The following GARNL3 variants were observed in gnomAD, a reference collection of about 807,000 sequenced individuals.
GARNL3 encodes the protein GTPase-activating Rap/Ran-GAP domain-like protein 3.
A neutral mutation model predicts 125.0 loss-of-function variants in GARNL3; 63 were observed. The observed-to-expected ratio is 0.50, with a 90% CI of 0.41 to 0.62. The LOEUF is 0.62. GARNL3 is among the 20% of genes least tolerant of loss of function. The probability of loss-of-function intolerance (pLI) is 0.00; values close to 1 mark genes in which losing one functional copy is unlikely to be tolerated. For synonymous variants in GARNL3, 439 were observed against 457.5 expected, an observed-to-expected ratio of 0.96 and a Z score of 0.52; for missense variants, 994 against 1,244.0, an observed-to-expected ratio of 0.80 and a Z score of 3.02.
intron 22 of GARNL3, among the ~76,000 whole-genome samples, chr9:127,372,664 G>A (rs1318673026): frequency 6.6e-6 from 1 of 152,144 alleles, no homozygotes; most frequent in African/African-American, 2.4e-5. Context: ...CAGACTGGTG[G>A]CAACAGCTTT....
At chr9:127,357,179 G>T (rs568928828) in intron 20 of GARNL3, 40 bp from the exon 21 acceptor site, 1 of 1,609,060 alleles carries the variant, frequency 6.2e-7, no homozygotes, top group East Asian at 2.2e-5. Flanking sequence ...TGGCTGCTCT[G>T]TTCTCACCCC....
intron 17 of GARNL3, among the ~76,000 whole-genome samples, chr9:127,350,957 C>A (rs765272807): frequency 6.6e-6 from 1 of 152,090 alleles, no homozygotes; most frequent in Non-Finnish European, 1.5e-5. Flanking sequence ...GTTAGTGGCA[C>A]GTCTGGGACT....
At chr9:127,225,736 C>G (rs2062897288) in intron 1 of GARNL3, among the ~76,000 whole-genome samples, 1 of 151,486 alleles carries the variant, frequency 6.6e-6, no homozygotes, top group Non-Finnish European at 1.5e-5. Flanking sequence ...CTCACCCCTC[C>G]GTCCACTGGA....
chr9:127,365,710 A>G (rs1831251916), intron 22 of GARNL3, among the ~76,000 whole-genome samples: 1 of 152,164 alleles, frequency 6.6e-6, no homozygotes, highest in Non-Finnish European at 1.5e-5. Context: ...TGCCCGCAGC[A>G]GGCTCGGTTA....
intron 6 of GARNL3, among the ~76,000 whole-genome samples, chr9:127,323,987 C>G (rs1429943929): frequency 6.6e-6 from 1 of 152,040 alleles, no homozygotes; most frequent in Admixed American, 6.6e-5. Context: ...TGGTGGCTCA[C>G]GCTTGTAATC....
chr9:127,353,696 T>G lies in GARNL3; in HGVS notation c.1544-150T>G, dbSNP rs1830529290. On this transcript the variant is annotated intron_variant, in intron 17 of 27. Coordinates refer to ENST00000373387, the MANE Select transcript of GARNL3 (RefSeq NM_032293.5). ...CTAGGAGGAGAATAGTGCTTGAATG[T>G]ATTTTGTAGAGCTTATGAAAGCCCT... 1.7e-5 allele frequency: 12 copies of G among 692,278 alleles called. No individual in the cohort carries two copies. In the South Asian group the frequency reaches 1.9e-4, roughly 11 times the overall value. 42.9% of individuals were successfully genotyped at this position (692,278 alleles called of 1,614,324 possible). A position where few individuals can be genotyped will look rare whatever the true frequency, so the allele number is the denominator to read the frequency against.
chr9:127,236,732 AT>A (rs1406072792), intron 1 of GARNL3, among the ~76,000 whole-genome samples: 1 of 152,138 alleles, frequency 6.6e-6, no homozygotes, highest in Non-Finnish European at 1.5e-5. Context: ...CTAGTGTGCT[AT>A]TCTTTTGGTT....
intron 1 of GARNL3, among the ~76,000 whole-genome samples, chr9:127,235,449 T>C (rs2063093352): frequency 6.6e-6 from 1 of 151,998 alleles, no homozygotes; most frequent in Non-Finnish European, 1.5e-5. Context: ...CAGGAGATGT[T>C]AGGAAAGAGA....
intron 22 of GARNL3, among the ~76,000 whole-genome samples, chr9:127,378,858 C>T (rs1832087756): frequency 6.6e-6 from 1 of 152,148 alleles, no homozygotes; most frequent in Admixed American, 6.5e-5. Context: ...TCACTGCAAC[C>T]TCCGCCTCCC....
At chr9:127,315,958 A>T (rs141851366) in intron 4 of GARNL3, among the ~76,000 whole-genome samples, 52 of 152,290 alleles carry the variant, frequency 3.4e-4, no homozygotes, top group African/African-American at 1.2e-3. Flanking sequence ...TGCTGTGCTC[A>T]CTGGGTGTAG....
intron 21 of GARNL3, among the ~76,000 whole-genome samples, chr9:127,361,495 C>T (rs1010239199): frequency 6.6e-6 from 1 of 152,208 alleles, no homozygotes; most frequent in African/African-American, 2.4e-5. Flanking sequence ...TCTCCAGGAG[C>T]AAGAACCCCA....
In GARNL3 at chr9:127,385,419, G is replaced by A. The variant is rs4537391; in HGVS notation, c.2388+274G>A. Among the ~76,000 whole-genome samples, 13,548 of 152,162 alleles carry A rather than the reference G, an allele frequency of 0.089. 865 individuals carry two copies. Among genetic ancestry groups the A allele is most frequent in the Middle Eastern group, 0.13 (39 of 294 alleles). ...CACTTAGCTGAAAAGAGATATCCCC[G>A]CTCAGAGACTGGGTCAGTTATTCAT... On this transcript the variant is annotated intron_variant, in intron 24 of 27. Transcript: ENST00000373387. The surrounding 1 kb of genome is among the most constrained non-coding windows in gnomAD (Gnocchi z 4.1).
At chr9:127,329,861 T>C (rs767392591) in intron 7 of GARNL3, among the ~76,000 whole-genome samples, 3 of 152,170 alleles carry the variant, frequency 2.0e-5, no homozygotes, top group Non-Finnish European at 4.4e-5. Flanking sequence ...CAGTGGACTA[T>C]AGGGTCCTTT....
At chr9:127,363,888 A>G (rs1003866293) in intron 21 of GARNL3, 2 of 152,238 alleles carry the variant, frequency 1.3e-5, no homozygotes, top group Admixed American at 6.5e-5. Flanking sequence ...AGTGCTCATC[A>G]TGCATGAGGC....
intron 1 of GARNL3, among the ~76,000 whole-genome samples, chr9:127,229,038 G>A (rs1249177018): frequency 6.6e-6 from 1 of 152,152 alleles, no homozygotes; most frequent in Non-Finnish European, 1.5e-5. Flanking sequence ...TGGCCAGGCT[G>A]GTCTCAAACT....
chr9:127,316,588 C>A (rs575658795), intron 4 of GARNL3, among the ~76,000 whole-genome samples: 89 of 152,034 alleles, frequency 5.9e-4, no homozygotes, highest in Non-Finnish European at 1.1e-3. Flanking sequence ...GTATTTCTAT[C>A]GTAATATTCA....
chr9:127,339,934 T>C (rs1829772760), intron 13 of GARNL3, among the ~76,000 whole-genome samples, 183 bp downstream of exon 13: 1 of 152,162 alleles, frequency 6.6e-6, no homozygotes, highest in African/African-American at 2.4e-5. Flanking sequence ...TATGTTTTCA[T>C]CCCCACCTTC....
chr9:127,261,071 C>G (rs372876524), upstream of GARNL3, among the ~76,000 whole-genome samples: 12 of 152,160 alleles, frequency 7.9e-5, 1 homozygote, highest in East Asian at 1.8e-3. Flanking sequence ...GCCTGGCCAA[C>G]ATGGTGAAAC....
intron 16 of GARNL3, among the ~76,000 whole-genome samples, chr9:127,347,021 C>G (rs756143149): frequency 1.4e-4 from 21 of 152,234 alleles, no homozygotes; most frequent in Non-Finnish European, 2.9e-4. Flanking sequence ...GGGACCAGAT[C>G]TGAGTTTGCT....
Sources: gnomAD v4.1 joint callset for allele counts (sites outside exome capture counted in the v4.1 genomes callset) on GRCh38, gnomAD v4.1.1 for gene constraint, Gnocchi (gnomAD v3.1) non-coding constraint, MANE v1.5 for transcripts, NCBI Gene and HGNC (gene_info 2026-07-23, HGNC 2026-07-21) for gene names.